The following LMNTD1 variants were observed in gnomAD, a reference collection of about 807,000 sequenced individuals.
The protein encoded by LMNTD1 is lamin tail domain containing 1.
LMNTD1 carries 35 observed loss-of-function variants against 50.9 expected under a neutral mutation model. The observed-to-expected ratio is 0.69, with a 90% CI of 0.53 to 0.91. The LOEUF (loss-of-function observed/expected upper bound fraction) is 0.91. Among genes scored for constraint, LMNTD1 ranks in the 40% least tolerant of loss-of-function variants. LMNTD1 has a pLI of 0.00. For synonymous variants in LMNTD1, 153 were observed against 161.9 expected (o/e 0.94, Z 0.42); for missense variants, 470 against 475.5 (o/e 0.99, Z 0.11).
chr12:25,643,883 A>T (rs1234737283), intron 1 of LMNTD1, among the ~76,000 whole-genome samples: 1 of 152,206 alleles, frequency 6.6e-6, no homozygotes, highest in Non-Finnish European at 1.5e-5. Flanking sequence ...CATAGCTGAC[A>T]TTTATGGTCA....
At chr12:25,641,822 T>G (rs900451637) in intron 1 of LMNTD1, among the ~76,000 whole-genome samples, 1 of 152,174 alleles carries the variant, frequency 6.6e-6, no homozygotes, top group Admixed American at 6.5e-5. Context: ...CTTATCCATT[T>G]AGGCTTCTCT....
intron 4 of LMNTD1, among the ~76,000 whole-genome samples, chr12:25,537,654 A>G (rs1215019018): frequency 6.6e-6 from 1 of 151,946 alleles, no homozygotes; most frequent in African/African-American, 2.4e-5. Flanking sequence ...GAAACTCTAA[A>G]AATCAGAGCG....
chr12:25,513,473 T>C (rs1262720623), intron 8 of LMNTD1, among the ~76,000 whole-genome samples: 6 of 152,106 alleles, frequency 3.9e-5, no homozygotes, highest in African/African-American at 1.4e-4. Context: ...CTGTCTGTAC[T>C]AAAAATACAA....
intron 1 of LMNTD1, among the ~76,000 whole-genome samples, chr12:25,579,633 C>T (rs990395005): frequency 4.6e-5 from 7 of 152,140 alleles, no homozygotes; most frequent in African/African-American, 1.7e-4. Flanking sequence ...TATTATCTTG[C>T]TCAATTTCCA....
chr12:25,624,452 C>A (rs1174306963), intron 1 of LMNTD1, among the ~76,000 whole-genome samples: 2 of 152,180 alleles, frequency 1.3e-5, no homozygotes, highest in Non-Finnish European at 2.9e-5. Flanking sequence ...AAACCAATGA[C>A]CTTGGCTGTT....
chr12:25,625,332 C>T (rs1334667695), intron 1 of LMNTD1, among the ~76,000 whole-genome samples: 2 of 152,154 alleles, frequency 1.3e-5, no homozygotes, highest in African/African-American at 2.4e-5. Context: ...CCTACCACAA[C>T]TCATTAGTAC....
intron 1 of LMNTD1, among the ~76,000 whole-genome samples, chr12:25,608,697 G>T (rs1946176056): frequency 6.6e-6 from 1 of 152,212 alleles, no homozygotes; most frequent in East Asian, 1.9e-4. Flanking sequence ...TCTGCTGAGA[G>T]ATCTGCTGTT....
chr12:25,489,697 G>A (rs1938822674), intron 9 of LMNTD1, among the ~76,000 whole-genome samples: 1 of 152,036 alleles, frequency 6.6e-6, no homozygotes, highest in Non-Finnish European at 1.5e-5. Context: ...GAAGAAACTC[G>A]CTTGTAATGA....
upstream of LMNTD1, among the ~76,000 whole-genome samples, chr12:25,556,917 A>T (rs750316590): frequency 5.9e-5 from 9 of 152,212 alleles, no homozygotes; most frequent in Non-Finnish European, 8.8e-5. Context: ...AATTGGTAAT[A>T]CAAATAAAAT....
intron 1 of LMNTD1, among the ~76,000 whole-genome samples, chr12:25,635,998 G>C (rs11048137): frequency 0.013 from 2,001 of 152,270 alleles, 50 homozygotes; most frequent in African/African-American, 0.045. Flanking sequence ...ATGGATCAAA[G>C]ACTTAAATCT....
At chr12:25,638,854 A>G (rs1946891137) in intron 1 of LMNTD1, among the ~76,000 whole-genome samples, 1 of 152,162 alleles carries the variant, frequency 6.6e-6, no homozygotes, top group Non-Finnish European at 1.5e-5. Context: ...CAAGAGAGCC[A>G]AAATAACCAA....
At chr12:25,590,438 C>T (rs1268484959) in intron 1 of LMNTD1, among the ~76,000 whole-genome samples, 3 of 152,176 alleles carry the variant, frequency 2.0e-5, no homozygotes, top group African/African-American at 4.8e-5. Flanking sequence ...CTAAAGTGCT[C>T]TGGGGCCCTT....
intron 9 of LMNTD1, among the ~76,000 whole-genome samples, chr12:25,496,476 T>C (rs1323373758): frequency 6.6e-6 from 1 of 152,196 alleles, no homozygotes; most frequent in Non-Finnish European, 1.5e-5. Flanking sequence ...CACTTAATGG[T>C]GCAAAGTGGC....
chr12:25,639,509 A>C (rs1346264117), intron 1 of LMNTD1, among the ~76,000 whole-genome samples: 1 of 152,244 alleles, frequency 6.6e-6, no homozygotes, highest in East Asian at 1.9e-4. Flanking sequence ...GAAGTTGAAT[A>C]GACATTTTTT....
chr12:25,602,006 A>T (rs1478935177), intron 1 of LMNTD1, among the ~76,000 whole-genome samples: 1 of 151,946 alleles, frequency 6.6e-6, no homozygotes, highest in African/African-American at 2.4e-5. Flanking sequence ...TTACCAAAGT[A>T]TTAATGCCTA....
intron 1 of LMNTD1, among the ~76,000 whole-genome samples, chr12:25,609,950 G>A (rs767258446): frequency 2.6e-5 from 4 of 152,194 alleles, no homozygotes; most frequent in African/African-American, 4.8e-5. Flanking sequence ...GCCCCCAGAG[G>A]TGGAGTTTAC....
At chr12:25,553,988 A>C (rs1223060945), upstream of LMNTD1, among the ~76,000 whole-genome samples, 1 of 152,230 alleles carries the variant, frequency 6.6e-6, no homozygotes, top group African/African-American at 2.4e-5. Flanking sequence ...ATAGATTTGA[A>C]AATGATTTTT....
intron 5 of LMNTD1, among the ~76,000 whole-genome samples, chr12:25,526,533 A>G (rs1424029962): frequency 1.3e-5 from 2 of 152,212 alleles, no homozygotes; most frequent in South Asian, 2.1e-4. Flanking sequence ...GTTAAATTAT[A>G]AAAACAAAAG....
At chr12:25,491,180 A>G (rs565025348) in intron 9 of LMNTD1, among the ~76,000 whole-genome samples, 22 of 152,352 alleles carry the variant, frequency 1.4e-4, no homozygotes, top group African/African-American at 4.6e-4. Flanking sequence ...TTTTCTATAA[A>G]ATAATTACCA....
Sources: allele counts gnomAD v4.1 joint callset (sites outside exome capture counted in the v4.1 genomes callset), GRCh38; gene constraint gnomAD v4.1.1; transcripts MANE v1.5; gene names NCBI Gene and HGNC (gene_info 2026-07-23, HGNC 2026-07-21).